The following RAB9B variants were observed in gnomAD, a reference collection of about 807,000 sequenced individuals.
The protein encoded by RAB9B is RAB9B, member RAS oncogene family, also known as ras-related protein Rab-9B.
RAB9B carries 1 observed loss-of-function variant against 8.9 expected under a neutral mutation model. The ratio of observed to expected loss-of-function variants is 0.11; its 90% CI spans 0.04 to 0.53. The LOEUF is 0.53. RAB9B is among the 20% of genes least tolerant of loss of function. RAB9B has a pLI of 0.93. For missense variants in RAB9B, 82 were observed against 152.9 expected (o/e 0.54, Z 2.45); for synonymous variants, 63 against 57.0 (o/e 1.10, Z -0.47).
chrX:103,798,748 T>C, the RAB9B span, among the ~76,000 whole-genome samples: 1 of 108,185 alleles, frequency 9.2e-6, no homozygotes, highest in Non-Finnish European at 1.9e-5. Flanking sequence ...GTTCAAACAA[T>C]TCTCCTGCCT....
At chrX:103,796,775 A>G in the RAB9B span, among the ~76,000 whole-genome samples, 1 of 101,378 alleles carries the variant, frequency 9.9e-6, no homozygotes, top group Non-Finnish European at 2.0e-5. Context: ...GAGCAGAACC[A>G]CTATCATTGT....
In RAB9B at chrX:103,825,143, T is replaced by C; in HGVS notation, c.*36A>G. The C allele has an allele frequency of 8.5e-7, 1 of 1,180,857 alleles. No homozygotes were observed. The highest frequency in any genetic ancestry group is 1.1e-6 in the Non-Finnish European group (1 of 879,172). On this transcript the variant is annotated 3_prime_UTR_variant, in exon 3 of 3. Coordinates refer to ENST00000243298, the MANE Select transcript of RAB9B (RefSeq NM_016370.4). ...CAGTTATTCTTACACTACTGACTGATCAATTTGGGGCACATTTTTAAAAGG... is the reference window on the plus strand; with the variant it reads ...CAGTTATTCTTACACTACTGACTGACCAATTTGGGGCACATTTTTAAAAGG...
the RAB9B span, among the ~76,000 whole-genome samples, chrX:103,802,452 G>T: frequency 9.0e-6 from 1 of 111,534 alleles, no homozygotes; most frequent in Non-Finnish European, 1.9e-5. Flanking sequence ...TTTCTAGTTG[G>T]ATACATAGAG....
chrX:103,821,961 G>A (rs1486346419), downstream of RAB9B, among the ~76,000 whole-genome samples: 1 of 111,224 alleles, frequency 9.0e-6, no homozygotes, highest in African/African-American at 3.3e-5. Context: ...TCAATTTCCA[G>A]TCCCAATACA....
downstream of RAB9B, among the ~76,000 whole-genome samples, chrX:103,819,382 A>G (rs2074651292): frequency 9.0e-6 from 1 of 111,454 alleles, no homozygotes; most frequent in Admixed American, 9.6e-5. Flanking sequence ...GCACACACAA[A>G]ACCCACTGTT....
chrX:103,805,872 A>T, the RAB9B span, among the ~76,000 whole-genome samples: 2 of 111,236 alleles, frequency 1.8e-5, no homozygotes, highest in South Asian at 7.5e-4. Flanking sequence ...CAAAGAACCA[A>T]CTTTTGATTT....
At chrX:103,798,385 T>A in the RAB9B span, among the ~76,000 whole-genome samples, 2 of 112,183 alleles carry the variant, frequency 1.8e-5, no homozygotes, top group South Asian at 7.4e-4. Flanking sequence ...TATGCCTCAT[T>A]AATTTTGAAA....
the RAB9B span, among the ~76,000 whole-genome samples, chrX:103,811,363 C>T: frequency 8.9e-6 from 1 of 112,108 alleles, no homozygotes; most frequent in Non-Finnish European, 1.9e-5. Context: ...TGTCACTATG[C>T]AACATGCATG....
the RAB9B span, among the ~76,000 whole-genome samples, chrX:103,800,700 C>T: frequency 3.8e-4 from 42 of 111,838 alleles, no homozygotes; most frequent in South Asian, 9.1e-3. Context: ...AATGTATCTG[C>T]GTGAGAGACC....
At chrX:103,787,184 G>A in the RAB9B span, among the ~76,000 whole-genome samples, 2 of 111,645 alleles carry the variant, frequency 1.8e-5, no homozygotes, top group African/African-American at 6.5e-5. Flanking sequence ...ATCCTGCACA[G>A]TTCGAGGTCC....
At position 103,824,950 on chromosome X, in the gene RAB9B, G is replaced by A. The variant is rs1203315628; in HGVS notation, c.*229C>T. The A allele has an allele frequency of 2.2e-5, 7 of 318,765 alleles. No homozygotes were observed. The highest frequency in any genetic ancestry group is 1.9e-4 in the African/African-American group (7 of 37,358). 26.3% of individuals were successfully genotyped at this position (318,765 alleles called of 1,213,427 possible). A position where few individuals can be genotyped will look rare whatever the true frequency, so the allele number is the denominator to read the frequency against. On this transcript the variant is annotated 3_prime_UTR_variant, in exon 3 of 3. Transcript: ENST00000243298. ...TATGTCCTGAGACACACAAGAAGGG[G>A]AAATAGCAGAAATCACGCAAAATAC...
chrX:103,790,682 G>T, the RAB9B span: 1 of 724,992 alleles, frequency 1.4e-6, no homozygotes, highest in Non-Finnish European at 2.2e-6. Flanking sequence ...TTAACTCTTT[G>T]CCTTTGCCAC....
At chrX:103,799,425 C>T in the RAB9B span, among the ~76,000 whole-genome samples, 1 of 111,607 alleles carries the variant, frequency 9.0e-6, no homozygotes, top group Non-Finnish European at 1.9e-5. Flanking sequence ...ATTAATAAAA[C>T]TTTATTCTTA....
chrX:103,815,689 G>C, the RAB9B span, among the ~76,000 whole-genome samples: 1 of 112,037 alleles, frequency 8.9e-6, no homozygotes, highest in Non-Finnish European at 1.9e-5. Context: ...AAACACCATT[G>C]TCTCAGCCCA....
the RAB9B span, chrX:103,788,029 A>T: frequency 1.1e-6 from 1 of 935,316 alleles, no homozygotes; most frequent in Non-Finnish European, 1.5e-6. Context: ...ATATTTGGTT[A>T]TTTTCTTAGT....
chrX:103,784,578 C>A, the RAB9B span, among the ~76,000 whole-genome samples: 1 of 112,006 alleles, frequency 8.9e-6, no homozygotes, highest in African/African-American at 3.2e-5. Flanking sequence ...GCATTCTTTG[C>A]AACAAATACA....
chrX:103,785,754 G>C, the RAB9B span: 1 of 1,204,538 alleles, frequency 8.3e-7, no homozygotes. Context: ...AAGACTATGA[G>C]TATCTCATCA....
chrX:103,803,116 G>T, the RAB9B span, among the ~76,000 whole-genome samples: 7 of 111,627 alleles, frequency 6.3e-5, no homozygotes, highest in African/African-American at 2.3e-4. Flanking sequence ...GAGCATTTGG[G>T]GTTTATCTGT....
the RAB9B span, among the ~76,000 whole-genome samples, chrX:103,801,908 G>A: frequency 9.0e-6 from 1 of 111,076 alleles, no homozygotes; most frequent in Non-Finnish European, 1.9e-5. Context: ...AGGACAAAAT[G>A]AGATTAATGA....
Sources: gnomAD v4.1 joint callset for allele counts (sites outside exome capture counted in the v4.1 genomes callset) on GRCh38, gnomAD v4.1.1 for gene constraint, MANE v1.5 for transcripts, NCBI Gene and HGNC (gene_info 2026-07-23, HGNC 2026-07-21) for gene names.